PIEZO1: variants seen among roughly 807,000 people sequenced by gnomAD.
PIEZO1 encodes piezo type mechanosensitive ion channel component 1 (Er blood group).
In PIEZO1, 296 loss-of-function variants were observed where a neutral mutation model predicts 297.2. That is an observed-to-expected ratio of 1.00 (90% CI 0.91 to 1.10). The LOEUF (loss-of-function observed/expected upper bound fraction) is 1.10. Among genes scored for constraint, PIEZO1 ranks in the 50% least tolerant of loss-of-function variants. PIEZO1 has a pLI of 0.00. For synonymous variants in PIEZO1, 2,427 were observed against 1,507.5 expected, an observed-to-expected ratio of 1.61 and a Z score of -14.13; for missense variants, 5,018 against 3,455.5, an observed-to-expected ratio of 1.45 and a Z score of -11.34.
Position 88,736,693 on chromosome 16 carries a change from G to T in PIEZO1, c.1242C>A (p.Ser414Arg). The change falls in exon 11 of 51, where the codon AGC (serine) becomes AGA (arginine). Residue 414 changes from serine to arginine, a missense_variant. Transcript: ENST00000301015. ...AEPREASPLH[S>R]LGHLIMDQSY... ...TCTGGTCCATGATGAGGTGGCCCAG[G>T]CTGTGGAGCGGAGACGCCTCCCTGG... 1 of 1,532,900 alleles carries T rather than the reference G, an allele frequency of 6.5e-7. No individual in the cohort carries two copies. Among genetic ancestry groups the T allele is most frequent in the Non-Finnish European group, 8.7e-7 (1 of 1,145,646 alleles). 95.0% of individuals were successfully genotyped at this position (1,532,900 alleles called of 1,614,324 possible). A position where few individuals can be genotyped will look rare whatever the true frequency, so the allele number is the denominator to read the frequency against.
intron 23 of PIEZO1, 105 bp from the exon 24 acceptor site, chr16:88,727,297 T>C: frequency 7.7e-7 from 1 of 1,297,562 alleles, no homozygotes; most frequent in East Asian, 2.5e-5. Flanking sequence ...GTGCAGCCGC[T>C]GGGAGCGGAC....
chr16:88,775,210 G>A (rs544822618), intron 1 of PIEZO1, among the ~76,000 whole-genome samples: 72 of 152,348 alleles, frequency 4.7e-4, no homozygotes, highest in Non-Finnish European at 8.7e-4. Context: ...AAGGTGAGCA[G>A]GATTGCCTGG....
intron 10 of PIEZO1, 119 bp from the exon 11 acceptor site, chr16:88,736,858 G>T: frequency 3.3e-6 from 2 of 614,910 alleles, no homozygotes; most frequent in South Asian, 2.0e-5. Flanking sequence ...GCCCCCGGTG[G>T]GCTATGGGCA....
chr16:88,737,212 G>A, intron 10 of PIEZO1: 1 of 284,938 alleles, frequency 3.5e-6, no homozygotes, highest in Non-Finnish European at 6.7e-6. Flanking sequence ...GGGGCCACTG[G>A]GCCACCTGGA....
At chr16:88,779,334 C>T (rs1292605244) in intron 1 of PIEZO1, among the ~76,000 whole-genome samples, 4 of 152,192 alleles carry the variant, frequency 2.6e-5, no homozygotes, top group Non-Finnish European at 4.4e-5. Flanking sequence ...CCACCGCGCC[C>T]GGCAAGGGAT....
intron 17 of PIEZO1, 47 bp downstream of exon 17, chr16:88,733,859 T>C: frequency 6.8e-7 from 1 of 1,467,760 alleles, no homozygotes. Context: ...AGCTGGGACA[T>C]GGCACAGCAG....
At chr16:88,754,578 A>T (rs759829561) in intron 1 of PIEZO1, among the ~76,000 whole-genome samples, 1 of 152,154 alleles carries the variant, frequency 6.6e-6, no homozygotes, top group Non-Finnish European at 1.5e-5. Flanking sequence ...GGCTGAACCA[A>T]GCCTGACGAG....
chr16:88,743,737 G>C (rs970438426), intron 2 of PIEZO1: 2 of 431,014 alleles, frequency 4.6e-6, no homozygotes, highest in African/African-American at 2.0e-5. Flanking sequence ...CCTCACGGAT[G>C]CCCAGGACTC....
At position 88,731,404 on chromosome 16, in the gene PIEZO1, G is replaced by A. The variant is rs759419285; in HGVS notation, c.3196+302C>T. On this transcript the variant is annotated intron_variant, in intron 22 of 50. Coordinates refer to ENST00000301015, the MANE Select transcript of PIEZO1 (RefSeq NM_001142864.4). ...ATCACGGCCGACCCGCACGGGGCCC[G>A]GAGAGGACGCAGTGCTCCTTGTGTG... 5.9e-5 allele frequency: 23 copies of A among 390,936 alleles called. 1 individual carries two copies. The highest frequency in any genetic ancestry group is 9.5e-5 in the South Asian group (3 of 31,702). The allele number at this position is 390,936 out of a possible 1,614,324, so 24.2% of individuals were successfully genotyped here.
At chr16:88,737,680 T>G (rs1567675619) in intron 9 of PIEZO1, 34 bp from the exon 10 acceptor site, 13 of 1,533,300 alleles carry the variant, frequency 8.5e-6, no homozygotes, top group Non-Finnish European at 1.0e-5. Context: ...ATGCACGGGC[T>G]GGCCGGGCGC....
intron 1 of PIEZO1, among the ~76,000 whole-genome samples, chr16:88,771,127 G>A (rs990622701): frequency 6.6e-6 from 1 of 152,214 alleles, no homozygotes; most frequent in Non-Finnish European, 1.5e-5. Flanking sequence ...CAGGGCAGGC[G>A]CTAATCTCAC....
intron 1 of PIEZO1, among the ~76,000 whole-genome samples, chr16:88,761,485 G>A (rs1906929439): frequency 2.6e-5 from 4 of 152,220 alleles, no homozygotes; most frequent in Admixed American, 6.5e-5. Context: ...TGGTCCCAAA[G>A]CCGCCGCCTT....
intron 1 of PIEZO1, among the ~76,000 whole-genome samples, chr16:88,751,320 G>A (rs1021634998): frequency 2.0e-5 from 3 of 152,214 alleles, no homozygotes; most frequent in African/African-American, 4.8e-5. Context: ...CATTGGCACC[G>A]TGGAGCTGAC....
intron 12 of PIEZO1, among the ~76,000 whole-genome samples, chr16:88,735,621 G>C (rs1905159357): frequency 6.6e-6 from 1 of 152,264 alleles, no homozygotes; most frequent in Middle Eastern, 3.2e-3. Context: ...GCATATGTTG[G>C]CACACAGGCT....
At chr16:88,720,788 A>T (rs1376593468) in intron 39 of PIEZO1, 40 bp from the exon 40 acceptor site, 1 of 1,450,496 alleles carries the variant, frequency 6.9e-7, no homozygotes, top group Non-Finnish European at 9.1e-7. Context: ...CCCCCTGGGG[A>T]CTGGGCCTGG....
chr16:88,721,819 C>CG lies in PIEZO1; in HGVS notation c.5202dup (p.Val1735ArgfsTer46). On this transcript the variant is annotated frameshift_variant, in exon 37 of 51. Transcript: ENST00000301015. LOFTEE classifies it high-confidence loss of function. Reference sequence around the variant, plus strand: ...CGGCCTCGGCCCACCTCGGTGAAGACGATGGCCGTCATCCAGAAGCGCTTG... The same window carrying CG: ...CGGCCTCGGCCCACCTCGGTGAAGACGGATGGCCGTCATCCAGAAGCGCTTG... 6.5e-7 allele frequency: 1 copy of CG among 1,546,160 alleles called. No homozygotes were observed. Among genetic ancestry groups the CG allele is most frequent in the East Asian group, 2.4e-5 (1 of 40,860 alleles).
chr16:88,725,846 G>C (rs1290875989), intron 27 of PIEZO1, 162 bp from the exon 28 acceptor site: 1 of 615,430 alleles, frequency 1.6e-6, no homozygotes, highest in Non-Finnish European at 3.0e-6. Context: ...CCCACCCTCC[G>C]TGCTGTCTGC....
At chr16:88,771,094 A>G (rs531068102) in intron 1 of PIEZO1, among the ~76,000 whole-genome samples, 229 of 152,286 alleles carry the variant, frequency 1.5e-3, no homozygotes, top group African/African-American at 5.0e-3. Context: ...TCAGTCCCGG[A>G]GAGCCAGAGC....
chr16:88,726,383 A>T lies in PIEZO1; in HGVS notation c.3869T>A (p.Val1290Asp). The T allele has an allele frequency of 6.4e-7, 1 of 1,550,472 alleles. No homozygotes were observed. The highest frequency in any genetic ancestry group is 8.7e-7 in the Non-Finnish European group (1 of 1,146,926). Residue 1290 changes from valine to aspartate, a missense_variant, in exon 27 of 51, where the codon GTC (valine) becomes GAC (aspartate). Physicochemically the swap from Val to Asp is radical, Grantham distance 152. Coordinates refer to ENST00000301015, the MANE Select transcript of PIEZO1 (RefSeq NM_001142864.4). The stretch of plus-strand genomic sequence containing the variant: ...CTGCAGCAGCAGGAAGAAGAAGCAG[A>T]CGCTGTCCCAGATGATGCCAGCCTC... ...VEEAGIIWDS[V>D]CFFFLLLQRR...
Sources: gnomAD v4.1 joint callset for allele counts (sites outside exome capture counted in the v4.1 genomes callset) on GRCh38, gnomAD v4.1.1 for gene constraint, MANE v1.5 for transcripts, NCBI Gene and HGNC (gene_info 2026-07-23, HGNC 2026-07-21) for gene names.